Variants in RAPH1 observed in about 807,000 individuals in gnomAD.
RAPH1 encodes the protein Ras association (RalGDS/AF-6) and pleckstrin homology domains 1.
Under a neutral mutation model 88.1 loss-of-function variants are expected in RAPH1, and 18 were observed. The observed-to-expected ratio is 0.20, with a 90% CI of 0.14 to 0.30. RAPH1 has a LOEUF of 0.30. Among genes scored for constraint, RAPH1 ranks in the 10% least tolerant of loss-of-function variants. The pLI, the probability that RAPH1 is intolerant of heterozygous loss-of-function variation, is 1.00. For synonymous variants in RAPH1, 587 were observed against 559.0 expected (o/e 1.05, Z -0.71); for missense variants, 1,448 against 1,543.2 (o/e 0.94, Z 1.03).
chr2:203,514,988 T>G (rs1033252590), intron 1 of RAPH1, among the ~76,000 whole-genome samples: 1 of 152,174 alleles, frequency 6.6e-6, no homozygotes, highest in Admixed American at 6.5e-5. Flanking sequence ...GCCATATTTA[T>G]TATGTGGTTT....
At chr2:203,490,999 G>C (rs1162981590) in intron 3 of RAPH1, among the ~76,000 whole-genome samples, 1 of 149,318 alleles carries the variant, frequency 6.7e-6, no homozygotes, top group Non-Finnish European at 1.5e-5. Context: ...AGCCGAGACT[G>C]TGCCACTGAA....
intron 4 of RAPH1, among the ~76,000 whole-genome samples, chr2:203,478,302 G>A (rs1376299951): frequency 6.6e-6 from 1 of 152,018 alleles, no homozygotes; most frequent in Admixed American, 6.5e-5. Flanking sequence ...CCAAAGTGCT[G>A]GGATTACAGG....
At chr2:203,456,594 C>T (rs1421308973) in intron 8 of RAPH1, among the ~76,000 whole-genome samples, 8 of 152,064 alleles carry the variant, frequency 5.3e-5, no homozygotes. Context: ...TAATATAGGA[C>T]ATTTGGGCCT....
chr2:203,473,133 C>T (rs2098534574), intron 4 of RAPH1, among the ~76,000 whole-genome samples: 3 of 152,034 alleles, frequency 2.0e-5, no homozygotes, highest in African/African-American at 7.2e-5. Flanking sequence ...CCCGAGGCAG[C>T]AAACTCCACT....
At chr2:203,490,973 G>A (rs1688233612) in intron 3 of RAPH1, among the ~76,000 whole-genome samples, 1 of 151,426 alleles carries the variant, frequency 6.6e-6, no homozygotes. Context: ...GAACCTGGGA[G>A]GCAGAGGTTG....
chr2:203,483,974 C>A (rs1317762224), intron 4 of RAPH1, among the ~76,000 whole-genome samples: 3 of 152,120 alleles, frequency 2.0e-5, no homozygotes, highest in African/African-American at 7.2e-5. Flanking sequence ...CACACTACCA[C>A]CATCCTAGGG....
chr2:203,473,060 G>C (rs2098534498), intron 4 of RAPH1, among the ~76,000 whole-genome samples: 1 of 152,138 alleles, frequency 6.6e-6, no homozygotes, highest in African/African-American at 2.4e-5. Context: ...ATTATATCCT[G>C]CATGGATGGT....
intron 1 of RAPH1, among the ~76,000 whole-genome samples, chr2:203,499,521 A>G (rs1688650519): frequency 6.6e-6 from 1 of 152,148 alleles, no homozygotes; most frequent in African/African-American, 2.4e-5. Context: ...CAGGAGTTCA[A>G]GACTAGCATG....
chr2:203,504,905 CATA>C (rs1234416116), intron 1 of RAPH1, among the ~76,000 whole-genome samples: 1 of 152,194 alleles, frequency 6.6e-6, no homozygotes, highest in East Asian at 1.9e-4. Context: ...TTTGCTAAAA[CATA>C]ATGAGAGTCA....
At position 203,448,162 on chromosome 2, in the gene RAPH1, C is replaced by T; in HGVS notation, c.1513-83G>A. Reference sequence around the variant, plus strand: ...ATAAGGTGAAATGGGGGACATATTTCTGTTTACTGATTGATGGTCTGTATT... The same window carrying T: ...ATAAGGTGAAATGGGGGACATATTTTTGTTTACTGATTGATGGTCTGTATT... On this transcript the variant is annotated intron_variant, in intron 11 of 13. Coordinates refer to ENST00000319170, the MANE Select transcript of RAPH1 (RefSeq NM_213589.3). The surrounding 1 kb of genome is among the most constrained non-coding windows in gnomAD (Gnocchi z 4.1). 1.5e-6 allele frequency: 2 copies of T among 1,331,636 alleles called. No homozygotes were observed. The highest frequency in any genetic ancestry group is 2.1e-6 in the Non-Finnish European group (2 of 953,092). The allele number at this position is 1,331,636 out of a possible 1,614,324, so 82.5% of individuals were successfully genotyped here.
intron 2 of RAPH1, among the ~76,000 whole-genome samples, chr2:203,493,341 C>A (rs1377979664): frequency 6.6e-6 from 1 of 152,128 alleles, no homozygotes; most frequent in Non-Finnish European, 1.5e-5. Flanking sequence ...GCAGCTGGAC[C>A]AATATCTACC....
intron 12 of RAPH1, chr2:203,445,520 T>G (rs569430384): frequency 2.0e-5 from 3 of 153,118 alleles, no homozygotes; most frequent in Admixed American, 6.5e-5. Flanking sequence ...GTGTGTTTCC[T>G]AGGGATTTAG....
At chr2:203,528,947 T>A (rs1434272425) in intron 1 of RAPH1, among the ~76,000 whole-genome samples, 1 of 143,318 alleles carries the variant, frequency 7.0e-6, no homozygotes, top group Non-Finnish European at 1.5e-5. Context: ...ATATAAAGAA[T>A]ATATTTTCAA....
intron 4 of RAPH1, among the ~76,000 whole-genome samples, chr2:203,469,486 A>T (rs756288372): frequency 2.0e-5 from 3 of 152,220 alleles, no homozygotes; most frequent in Non-Finnish European, 4.4e-5. Context: ...CAAACCTCAG[A>T]TACAATAACA....
intron 4 of RAPH1, 21 bp from the exon 5 acceptor site, chr2:203,461,946 A>G (rs1314257650): frequency 3.8e-6 from 6 of 1,587,368 alleles, no homozygotes; most frequent in Non-Finnish European, 4.3e-6. Flanking sequence ...AAAGCATTTC[A>G]GATAAACAAT....
chr2:203,504,274 C>G (rs1335856491), intron 1 of RAPH1, among the ~76,000 whole-genome samples: 6 of 152,210 alleles, frequency 3.9e-5, no homozygotes, highest in Non-Finnish European at 8.8e-5. Context: ...CCTAGGCATC[C>G]AGGTGTTTCT....
intron 4 of RAPH1, among the ~76,000 whole-genome samples, chr2:203,473,040 A>G (rs552991918): frequency 6.6e-6 from 1 of 152,214 alleles, no homozygotes; most frequent in Non-Finnish European, 1.5e-5. Context: ...ATAGTTAAAC[A>G]TGATCATAAA....
At chr2:203,486,236 T>C (rs955384666) in intron 4 of RAPH1, among the ~76,000 whole-genome samples, 21 of 152,260 alleles carry the variant, frequency 1.4e-4, no homozygotes, top group African/African-American at 4.8e-4. Context: ...TATAGAAAAT[T>C]AAATATTTTT....
At chr2:203,516,854 A>T (rs892084399) in intron 1 of RAPH1, among the ~76,000 whole-genome samples, 2 of 152,094 alleles carry the variant, frequency 1.3e-5, no homozygotes, top group South Asian at 4.2e-4. Flanking sequence ...TAACACGGTG[A>T]CACCCCGTCT....
Sources: gnomAD v4.1 joint callset for allele counts (sites outside exome capture counted in the v4.1 genomes callset) on GRCh38, gnomAD v4.1.1 for gene constraint, Gnocchi (gnomAD v3.1) non-coding constraint, MANE v1.5 for transcripts, NCBI Gene and HGNC (gene_info 2026-07-23, HGNC 2026-07-21) for gene names.